PHF3: variants seen among roughly 807,000 people sequenced by gnomAD.
The protein encoded by PHF3 is PHD finger protein 3.
In PHF3, 41 loss-of-function variants were observed where a neutral mutation model predicts 178.4. That is an observed-to-expected ratio of 0.23 (90% confidence interval 0.18 to 0.30). The LOEUF is 0.30. PHF3 is among the 10% of genes least tolerant of loss of function. The pLI, the probability that PHF3 is intolerant of heterozygous loss-of-function variation, is 1.00. For missense variants in PHF3, 2,346 were observed against 2,398.1 expected (o/e 0.98, Z 0.45); for synonymous variants, 842 against 800.5 (o/e 1.05, Z -0.88).
intron 1 of PHF3, among the ~76,000 whole-genome samples, chr6:63,645,966 A>G (rs1279449363): frequency 6.6e-6 from 1 of 151,662 alleles, no homozygotes; most frequent in East Asian, 1.9e-4. Context: ...TTTCTTTTTC[A>G]TTTTCCACCT....
chr6:63,677,242 C>A (rs1766208242), intron 2 of PHF3, among the ~76,000 whole-genome samples: 1 of 152,032 alleles, frequency 6.6e-6, no homozygotes, highest in Non-Finnish European at 1.5e-5. Flanking sequence ...TGGATAAGAT[C>A]ACCTTAGGGA....
At chr6:63,655,763 G>A (rs928077510) in intron 2 of PHF3, among the ~76,000 whole-genome samples, 8 of 152,012 alleles carry the variant, frequency 5.3e-5, no homozygotes, top group Admixed American at 4.6e-4. Context: ...TATTTCTTAT[G>A]CTTTTTCTGG....
chr6:63,673,418 A>C (rs1252780709), intron 2 of PHF3, among the ~76,000 whole-genome samples: 3 of 152,126 alleles, frequency 2.0e-5, no homozygotes, highest in African/African-American at 7.2e-5. Context: ...CATAGGAGAA[A>C]ACCCCTGAAA....
At chr6:63,658,708 T>TG (rs1765339347) in intron 2 of PHF3, among the ~76,000 whole-genome samples, 3 of 145,308 alleles carry the variant, frequency 2.1e-5, no homozygotes, top group African/African-American at 7.6e-5. Flanking sequence ...CCAATAGATT[T>TG]TGTGTGTGTG....
At chr6:63,682,002 G>T (rs1489958682) in intron 3 of PHF3, among the ~76,000 whole-genome samples, 1 of 152,098 alleles carries the variant, frequency 6.6e-6, no homozygotes, top group African/African-American at 2.4e-5. Context: ...ATGGAAGCCT[G>T]TAAGGGAAAC....
In PHF3 at chr6:63,684,182, C is replaced by A. The variant is rs751979471; in HGVS notation, c.460C>A (p.Pro154Thr). Residue 154 changes from proline to threonine, a missense_variant, in exon 4 of 16, where the codon CCA becomes ACA. Physicochemically the swap from Pro to Thr is conservative, Grantham distance 38. Transcript: ENST00000262043. ...TATTGCCAAGCGTTCAAATGCAGCA[C>A]CATTAAGTAACACAAAAAAAGCATC... ...STIAKRSNAA[P>T]LSNTKKASGK... 6.2e-7 allele frequency: 1 copy of A among 1,613,690 alleles called. No individual in the cohort carries two copies. Among genetic ancestry groups the A allele is most frequent in the Admixed American group, 1.7e-5 (1 of 59,980 alleles).
rs1767029842 is a variant in PHF3 at position 63,692,054 on chromosome 6, C to T, written c.2496+11C>T. On this transcript the variant is annotated intron_variant, in intron 5 of 15. Transcript: ENST00000262043. ...AAAATTTTAAAACGGGTGAGCTCTT[C>T]ATTAATGCATTATTTTGTTTATTTA... The T allele has an allele frequency of 6.4e-7, 1 of 1,569,988 alleles. No individual in the cohort carries two copies. The highest frequency in any genetic ancestry group is 1.4e-5 in the African/African-American group (1 of 73,198).
At position 63,679,740 on chromosome 6, in the gene PHF3, T is replaced by C. The variant is rs1582062141; in HGVS notation, c.245-260T>C. 6.3e-6 allele frequency: 3 copies of C among 474,936 alleles called. No individual in the cohort carries two copies. In the East Asian group the frequency reaches 1.5e-4, roughly 24 times the overall value. The allele number at this position is 474,936 out of a possible 1,614,324, so 29.4% of individuals were successfully genotyped here. A position where few individuals can be genotyped will look rare whatever the true frequency, so the allele number is the denominator to read the frequency against. On this transcript the variant is annotated intron_variant, in intron 2 of 15. Coordinates refer to ENST00000262043, the MANE Select transcript of PHF3 (RefSeq NM_001370348.2). ...CAGCAAGTAATAAATGGAAGTGATA[T>C]TTGAGGCTAAATCAGGAAAGAGTAT...
At chr6:63,644,759 A>C (rs1231948795) in intron 1 of PHF3, among the ~76,000 whole-genome samples, 1 of 152,176 alleles carries the variant, frequency 6.6e-6, no homozygotes. Context: ...ATTAAAAATG[A>C]ACAGATTCGT....
chr6:63,655,069 A>G (rs906813154), intron 2 of PHF3, among the ~76,000 whole-genome samples: 2 of 150,876 alleles, frequency 1.3e-5, no homozygotes, highest in African/African-American at 2.4e-5. Context: ...AATTATTATT[A>G]TTATTATTTT....
chr6:63,717,302 C>T lies in PHF3; in HGVS notation c.*3594C>T, dbSNP rs910457000. On this transcript the variant is annotated 3_prime_UTR_variant, in exon 16 of 16. Coordinates refer to ENST00000262043, the MANE Select transcript of PHF3 (RefSeq NM_001370348.2). ...GCATTATGAGAGCTTGATAATGAAC[C>T]AGATCTTAGTAAAACAGTATTTTAA... 4.0e-5 allele frequency among the ~76,000 whole-genome samples: 6 copies of T among 151,894 alleles called. No homozygotes were observed. Among genetic ancestry groups the T allele is most frequent in the Non-Finnish European group, 8.8e-5 (6 of 67,924 alleles).
Position 63,680,086 on chromosome 6 carries a change from A to G in PHF3, c.331A>G (p.Asn111Asp). The change falls in exon 3 of 16, where the codon AAC becomes GAC. Residue 111 changes from asparagine (N) to aspartate (D), a missense_variant. Around this residue, in one of 8 missense-constraint regions of PHF3, gnomAD observed 843 missense variants for 795.2 expected, o/e 1.06. Transcript: ENST00000262043. ...TIDEEELILP[N>D]RNLRDKVEEN... ...TGATGAAGAAGAACTGATTTTACCT[A>G]ACAGGAACTTAAGGGACAAGGTAGA... The G allele has an allele frequency of 1.2e-6, 2 of 1,612,840 alleles. No homozygotes were observed. The highest frequency in any genetic ancestry group is 8.5e-7 in the Non-Finnish European group (1 of 1,179,230).
In PHF3 at chr6:63,713,106, C is replaced by A. The variant is rs1768034513; in HGVS notation, c.5518C>A (p.Leu1840Ile). The A allele has an allele frequency of 6.2e-7, 1 of 1,613,940 alleles. No homozygotes were observed. The highest frequency in any genetic ancestry group is 1.7e-5 in the Admixed American group (1 of 59,992). ...TCCACCACATTTGCCACCTCCATTA[C>A]TTCCCCCTCCAGGCTTTGGCTTTGC... ...GFPPHLPPPL[L>I]PPPGFGFAQN... is the part of the protein sequence containing the mutation. The change falls in exon 16 of 16, where the codon CTT (leucine) becomes ATT (isoleucine). Residue 1840 changes from leucine (L) to isoleucine (I), a missense_variant. This residue lies in a region of PHF3 where 839 missense variants were observed against 806.9 expected (regional missense o/e 1.04). Transcript: ENST00000262043.
At chr6:63,703,502 A>G (rs918639664) in intron 10 of PHF3, 34 bp from the exon 11 acceptor site, 1 of 1,575,728 alleles carries the variant, frequency 6.3e-7, no homozygotes, top group African/African-American at 1.4e-5. Context: ...AAATTTTATC[A>G]GCTAAAACTA....
chr6:63,664,101 G>A (rs1765581068), intron 2 of PHF3, among the ~76,000 whole-genome samples: 1 of 152,168 alleles, frequency 6.6e-6, no homozygotes, highest in African/African-American at 2.4e-5. Flanking sequence ...TGGTTATTGG[G>A]CAACAGCTAG....
Position 63,722,964 on chromosome 6 carries a change from C to T in PHF3, c.*9256C>T, listed in dbSNP as rs1768463183. Among the ~76,000 whole-genome samples, 1 of 152,182 alleles carries T rather than the reference C, an allele frequency of 6.6e-6. No homozygotes were observed. Among genetic ancestry groups the T allele is most frequent in the Non-Finnish European group, 1.5e-5 (1 of 68,040 alleles). ...ATTTGGTTAACAGCTGCTTTATCCA[C>T]TAGGTTGTAAGCTTTATGAGAACAG... On this transcript the variant is annotated 3_prime_UTR_variant, in exon 16 of 16. Coordinates refer to ENST00000262043, the MANE Select transcript of PHF3 (RefSeq NM_001370348.2).
rs561879635 is a variant in PHF3, at chr6:63,712,946, C to T, written c.5358C>T (p.Ser1786=). The T allele has an allele frequency of 1.2e-6, 2 of 1,613,996 alleles. No individual in the cohort carries two copies. Among genetic ancestry groups the T allele is most frequent in the Admixed American group, 1.7e-5 (1 of 60,000 alleles). Residue 1786 remains serine, a synonymous_variant, in exon 16 of 16, where the codon AGC becomes AGT. Coordinates refer to ENST00000262043, the MANE Select transcript of PHF3 (RefSeq NM_001370348.2). ...PSKSITFTSR[S]TSPRTSTNFS... Reference sequence around the variant, plus strand: ...AAAGCATCACCTTTACTTCCAGAAGCACCAGCCCCAGAACAAGTACAAACT... The same window carrying T: ...AAAGCATCACCTTTACTTCCAGAAGTACCAGCCCCAGAACAAGTACAAACT...
At position 63,672,948 on chromosome 6, in the gene PHF3, A is replaced by C. The variant is rs77492353; in HGVS notation, c.245-7052A>C. ...CTTTCCCTTCCCTTTTTTGTCTATAAATTTGTTCTGACCAAGAGGCACCCT... is the reference window on the plus strand; with the variant it reads ...CTTTCCCTTCCCTTTTTTGTCTATACATTTGTTCTGACCAAGAGGCACCCT... On this transcript the variant is annotated intron_variant, in intron 2 of 15. Transcript: ENST00000262043. 5.6e-3 allele frequency among the ~76,000 whole-genome samples: 854 copies of C among 152,090 alleles called. 1 individual carries two copies. Among genetic ancestry groups the C allele is most frequent in the Non-Finnish European group, 9.2e-3 (628 of 67,986 alleles).
intron 9 of PHF3, among the ~76,000 whole-genome samples, chr6:63,701,293 C>G (rs1005087146): frequency 6.6e-6 from 1 of 152,140 alleles, no homozygotes; most frequent in African/African-American, 2.4e-5. Context: ...AATTACGTGT[C>G]TCAGACCTAA....
Sources: allele counts gnomAD v4.1 joint callset (sites outside exome capture counted in the v4.1 genomes callset), GRCh38; gene constraint gnomAD v4.1.1; regional missense constraint gnomAD v4.1.1; transcripts MANE v1.5; gene names NCBI Gene and HGNC (gene_info 2026-07-23, HGNC 2026-07-21).